The following FGF14 variants were observed in gnomAD, a reference collection of about 807,000 sequenced individuals.
The protein encoded by FGF14 is fibroblast growth factor 14, also known as fibroblast growth factor homologous factor 4.
A neutral mutation model predicts 25.5 loss-of-function variants in FGF14; 5 were observed. The observed-to-expected ratio is 0.20, with a 90% CI of 0.10 to 0.41. The LOEUF (loss-of-function observed/expected upper bound fraction) is 0.41. Ranked by LOEUF, FGF14 falls within the 10% of genes least tolerant of loss-of-function variation. The pLI, the probability that FGF14 is intolerant of heterozygous loss-of-function variation, is 1.00. For synonymous variants in FGF14, 138 were observed against 118.3 expected (o/e 1.17, Z -1.08); for missense variants, 222 against 320.1 (o/e 0.69, Z 2.34).
At chr13:102,057,842 T>C (rs927301520) in intron 1 of FGF14, among the ~76,000 whole-genome samples, 8 of 152,236 alleles carry the variant, frequency 5.3e-5, no homozygotes, top group Non-Finnish European at 1.2e-4. Context: ...TAGAATATTT[T>C]AGACCTTGGG....
rs1428173794 is a variant in FGF14 at position 101,866,705 on chromosome 13, A to G, written c.408+2020T>C. 2.0e-5 allele frequency among the ~76,000 whole-genome samples: 3 copies of G among 152,194 alleles called. No homozygotes were observed. In the East Asian group the frequency reaches 5.8e-4, roughly 29 times the overall value. Reference sequence around the variant, plus strand: ...TACTTGCAGATAATTATTTGTACTGAAATATTTGAAGTTCAAATTTTTTTA... The same window carrying G: ...TACTTGCAGATAATTATTTGTACTGGAATATTTGAAGTTCAAATTTTTTTA... On this transcript the variant is annotated intron_variant, in intron 3 of 4. Coordinates refer to ENST00000376143, the MANE Select transcript of FGF14 (RefSeq NM_004115.4).
rs534783342 is a variant in FGF14, at chr13:101,805,368, T to C, written c.408+63357A>G. 3.3e-5 allele frequency among the ~76,000 whole-genome samples: 5 copies of C among 152,298 alleles called. No homozygotes were observed. In the South Asian group the frequency reaches 1.0e-3, roughly 32 times the overall value. On this transcript the variant is annotated intron_variant, in intron 3 of 4. Transcript: ENST00000376143. Reference sequence around the variant, plus strand: ...ATTTCTATTAATGGTGGTTTGTATTTTTAAAATATAAGAAATATAAAAGCT... The same window carrying C: ...ATTTCTATTAATGGTGGTTTGTATTCTTAAAATATAAGAAATATAAAAGCT...
Position 102,198,029 on chromosome 13 carries a change from C to T in FGF14, c.208+203442G>A, listed in dbSNP as rs370102636. Among the ~76,000 whole-genome samples, 22 of 152,310 alleles carry T rather than the reference C, an allele frequency of 1.4e-4. No individual in the cohort carries two copies. The East Asian group carries it at 2.9e-3, about 20-fold the overall frequency. ...CTCTCTAGCCATGGTCCTCTTCTAACTGGGCACCGACTCTTTCCTCCTCTC... is the reference window on the plus strand; with the variant it reads ...CTCTCTAGCCATGGTCCTCTTCTAATTGGGCACCGACTCTTTCCTCCTCTC... On this transcript the variant is annotated intron_variant, in intron 1 of 4. Transcript: ENST00000376131.
At chr13:101,863,096 C>T (rs2044508223) in intron 3 of FGF14, among the ~76,000 whole-genome samples, 1 of 151,918 alleles carries the variant, frequency 6.6e-6, no homozygotes, top group African/African-American at 2.4e-5. Flanking sequence ...ATTGTTTGTG[C>T]AGAAAAACAT....
intron 1 of FGF14, among the ~76,000 whole-genome samples, chr13:101,879,803 T>C (rs1207387404): frequency 6.6e-6 from 1 of 152,142 alleles, no homozygotes; most frequent in East Asian, 1.9e-4. Context: ...GTAATGTACA[T>C]TTTTGCAGAA....
chr13:101,804,687 TAC>T (rs957528581), intron 3 of FGF14, among the ~76,000 whole-genome samples: 5 of 151,724 alleles, frequency 3.3e-5, no homozygotes, highest in African/African-American at 9.7e-5. Context: ...TATATATATA[TAC>T]ACACACACAT....
intron 1 of FGF14, among the ~76,000 whole-genome samples, chr13:102,120,180 G>A (rs960522924): frequency 6.6e-5 from 10 of 152,284 alleles, no homozygotes; most frequent in Middle Eastern, 3.4e-3. Flanking sequence ...CAAAAAGAGA[G>A]GTGTCATGGA....
chr13:102,307,806 C>T (rs945010620), intron 1 of FGF14, among the ~76,000 whole-genome samples: 8 of 152,200 alleles, frequency 5.3e-5, no homozygotes, highest in South Asian at 2.1e-4. Context: ...TAAGGTGCCA[C>T]GGCCACTCAA....
chr13:102,312,840 T>G (rs138598587), intron 1 of FGF14, among the ~76,000 whole-genome samples: 2 of 152,304 alleles, frequency 1.3e-5, no homozygotes, highest in East Asian at 3.9e-4. Context: ...AAAGAAACAT[T>G]TAGCTCTTCC....
chr13:101,773,855 T>C (rs2038932291), intron 3 of FGF14, among the ~76,000 whole-genome samples: 1 of 147,182 alleles, frequency 6.8e-6, no homozygotes, highest in African/African-American at 2.5e-5. Flanking sequence ...AAAAATGTAT[T>C]CCTCCCATAC....
intron 1 of FGF14, among the ~76,000 whole-genome samples, chr13:102,084,904 T>A (rs2043818941): frequency 6.6e-6 from 1 of 152,166 alleles, no homozygotes; most frequent in African/African-American, 2.4e-5. Context: ...CCCCAAACCC[T>A]TATTAATACT....
intron 1 of FGF14, among the ~76,000 whole-genome samples, chr13:102,393,029 G>A (rs753686584): frequency 2.6e-4 from 39 of 152,074 alleles, no homozygotes; most frequent in Admixed American, 4.6e-4. Flanking sequence ...TGATATTCTC[G>A]GTCTGCACCA....
intron 1 of FGF14, among the ~76,000 whole-genome samples, chr13:102,226,817 C>G (rs1354905343): frequency 1.3e-5 from 2 of 152,184 alleles, no homozygotes; most frequent in African/African-American, 2.4e-5. Context: ...TTCTCATGAA[C>G]AGCCACCAGA....
Position 102,153,569 on chromosome 13 carries a change from A to G in FGF14, c.208+247902T>C, listed in dbSNP as rs549124652. 5.9e-5 allele frequency among the ~76,000 whole-genome samples: 9 copies of G among 152,338 alleles called. 1 individual carries two copies. Among genetic ancestry groups the G allele is most frequent in the African/African-American group, 2.2e-4 (9 of 41,576 alleles). On this transcript the variant is annotated intron_variant, in intron 1 of 4. Coordinates refer to the FGF14 transcript ENST00000376131. ...GTACATGAAATGTAAGTAAACAATTACCATTTTGAGAATTTTGTTTATTTT... is the reference window on the plus strand; with the variant it reads ...GTACATGAAATGTAAGTAAACAATTGCCATTTTGAGAATTTTGTTTATTTT...
chr13:101,792,240 A>G (rs1411964895), intron 3 of FGF14, among the ~76,000 whole-genome samples: 1 of 152,134 alleles, frequency 6.6e-6, no homozygotes, highest in Non-Finnish European at 1.5e-5. Flanking sequence ...TCCTATTGTC[A>G]GATGAAATCC....
intron 1 of FGF14, among the ~76,000 whole-genome samples, chr13:102,255,230 T>G (rs2052379051): frequency 6.6e-6 from 1 of 152,216 alleles, no homozygotes; most frequent in Admixed American, 6.5e-5. Flanking sequence ...GAGCACGATT[T>G]GATTTTGAAA....
At chr13:101,890,358 T>G (rs777592994) in intron 1 of FGF14, among the ~76,000 whole-genome samples, 5 of 152,096 alleles carry the variant, frequency 3.3e-5, no homozygotes, top group Non-Finnish European at 7.4e-5. Context: ...AAAAACACAT[T>G]GTTCTTGGAA....
intron 1 of FGF14, among the ~76,000 whole-genome samples, chr13:102,081,804 G>C (rs565940292): frequency 6.6e-6 from 1 of 152,204 alleles, no homozygotes; most frequent in Non-Finnish European, 1.5e-5. Flanking sequence ...TTTAGGTAGT[G>C]TTATGCAGAC....
chr13:102,355,728 GTT>G (rs1047950697), intron 1 of FGF14, among the ~76,000 whole-genome samples: 12 of 151,952 alleles, frequency 7.9e-5, no homozygotes, highest in African/African-American at 2.9e-4. Flanking sequence ...CTCCACCGTA[GTT>G]TGTGTCTTCA....
Sources: allele counts gnomAD v4.1 joint callset (sites outside exome capture counted in the v4.1 genomes callset), GRCh38; gene constraint gnomAD v4.1.1; transcripts MANE v1.5; gene names NCBI Gene and HGNC (gene_info 2026-07-23, HGNC 2026-07-21).